Variants in FHIP2A observed in about 807,000 individuals in gnomAD.
The protein encoded by FHIP2A is FHF complex subunit HOOK interacting protein 2A.
In FHIP2A, 46 loss-of-function variants were observed where a neutral mutation model predicts 93.5. The ratio of observed to expected loss-of-function variants is 0.49; its 90% CI spans 0.39 to 0.63. The LOEUF is 0.63. Ranked by LOEUF, FHIP2A falls within the 20% of genes least tolerant of loss-of-function variation. FHIP2A has a pLI of 0.00. For missense variants in FHIP2A, 769 were observed against 909.7 expected (o/e 0.85, Z 1.99); for synonymous variants, 332 against 326.5 (o/e 1.02, Z -0.18).
At chr10:114,875,732 G>A (rs549077256) in intron 16 of FHIP2A, among the ~76,000 whole-genome samples, 1 of 143,798 alleles carries the variant, frequency 7.0e-6, no homozygotes, top group African/African-American at 2.7e-5. Flanking sequence ...GAAAGAAAGA[G>A]AGAGAAAGAA....
intron 13 of FHIP2A, among the ~76,000 whole-genome samples, chr10:114,849,506 A>G (rs1037929786): frequency 6.6e-6 from 1 of 152,168 alleles, no homozygotes; most frequent in South Asian, 2.1e-4. Flanking sequence ...GTTTGCTTCT[A>G]AATTAAGGAG....
chr10:114,881,929 C>T (rs1798276243), intron 16 of FHIP2A, among the ~76,000 whole-genome samples: 2 of 152,138 alleles, frequency 1.3e-5, no homozygotes, highest in South Asian at 2.1e-4. Context: ...TGTGTTTGTG[C>T]GTGCACGTGC....
intron 16 of FHIP2A, among the ~76,000 whole-genome samples, chr10:114,874,664 C>T (rs2083875281): frequency 6.6e-6 from 1 of 151,978 alleles, no homozygotes; most frequent in South Asian, 2.1e-4. Flanking sequence ...CACCATGCCC[C>T]GCTAATTTTT....
chr10:114,831,173 G>A (rs1014608369), intron 2 of FHIP2A, among the ~76,000 whole-genome samples: 5 of 152,194 alleles, frequency 3.3e-5, no homozygotes, highest in African/African-American at 4.8e-5. Context: ...AGACAACACT[G>A]CTGTCCTCAC....
Position 114,843,099 on chromosome 10 carries a change from A to C in FHIP2A, c.689A>C (p.His230Pro), listed in dbSNP as rs1789250639. ...EQTELEDEPP[H>P]QMDHLSTSLD... ...ACAGAATTGGAAGATGAGCCTCCTCATCAGATGGATCACCTGTCCACAAGC... is the reference window on the plus strand; with the variant it reads ...ACAGAATTGGAAGATGAGCCTCCTCCTCAGATGGATCACCTGTCCACAAGC... Residue 230 changes from histidine (H) to proline (P), a missense_variant, in exon 6 of 17, where the codon CAT (histidine) becomes CCT (proline). His to Pro is a moderately conservative substitution (Grantham distance 77). Transcript: ENST00000369248. The C allele has an allele frequency of 6.2e-7, 1 of 1,614,098 alleles. No homozygotes were observed. The highest frequency in any genetic ancestry group is 8.5e-7 in the Non-Finnish European group (1 of 1,180,010).
intron 16 of FHIP2A, among the ~76,000 whole-genome samples, chr10:114,893,793 A>G (rs1030446224): frequency 6.6e-6 from 1 of 152,182 alleles, no homozygotes; most frequent in Non-Finnish European, 1.5e-5. Context: ...AGAATTTCAT[A>G]CATTCATTGA....
chr10:114,842,917 A>G lies in FHIP2A; in HGVS notation c.523-16A>G, dbSNP rs763545311. On this transcript the variant is annotated splice_polypyrimidine_tract_variant and intron_variant, in intron 5 of 16. Transcript: ENST00000369248. ...GTTATTGATGTGAATTTTATAAAAC[A>G]TATATTCCTTTTCAGAATAAGATGA... The G allele has an allele frequency of 1.2e-5, 19 of 1,535,162 alleles. No homozygotes were observed. The highest frequency in any genetic ancestry group is 9.6e-5 in the African/African-American group (7 of 72,972).
intron 11 of FHIP2A, 48 bp from the exon 12 acceptor site, chr10:114,847,042 A>G: frequency 6.7e-7 from 1 of 1,486,104 alleles, no homozygotes; most frequent in Non-Finnish European, 9.2e-7. Context: ...GGTTTAGAAA[A>G]TGTCATAATA....
At position 114,863,483 on chromosome 10, in the gene FHIP2A, C is replaced by T. The variant is rs1303294889; in HGVS notation, c.*1943C>T. 27 of 1,118,920 alleles carry T rather than the reference C, an allele frequency of 2.4e-5. No homozygotes were observed. The highest frequency in any genetic ancestry group is 5.0e-5 in the Admixed American group (1 of 20,062). The allele number at this position is 1,118,920 out of a possible 1,614,324, so 69.3% of individuals were successfully genotyped here. On this transcript the variant is annotated 3_prime_UTR_variant, in exon 17 of 17. Transcript: ENST00000369248. ...CTTATAACTAGTCCATGAAACCAAG[C>T]TCAGAAAAGCTTTAACTCTTATATT...
rs751741872 is a variant in FHIP2A, at chr10:114,891,524, A to AAT, written c.2193-7953_2193-7952dup. On this transcript the variant is annotated intron_variant, in intron 16 of 16. Transcript: ENST00000369250. Reference sequence around the variant, plus strand: ...AGATACCTGAAATGCCACAAGGGTGAATATATATATATATGTGTGTGTGTG... The same window carrying AAT: ...AGATACCTGAAATGCCACAAGGGTGAATATATATATATATATGTGTGTGTGTG... Among the ~76,000 whole-genome samples, 951 of 133,102 alleles carry AAT rather than the reference A, an allele frequency of 7.1e-3. 4 individuals are homozygous for AAT. Among genetic ancestry groups the AAT allele is most frequent in the Non-Finnish European group, 0.01 (651 of 62,840 alleles). 87.3% of individuals were successfully genotyped at this position (133,102 alleles called of 152,430 possible). A position where few individuals can be genotyped will look rare whatever the true frequency, so the allele number is the denominator to read the frequency against.
intron 16 of FHIP2A, among the ~76,000 whole-genome samples, chr10:114,889,371 G>C (rs1487538916): frequency 6.6e-6 from 1 of 152,168 alleles, no homozygotes; most frequent in African/African-American, 2.4e-5. Context: ...ATAACACTGA[G>C]TTCTGACTAG....
chr10:114,824,644 A>G (rs1289667954), intron 1 of FHIP2A, among the ~76,000 whole-genome samples: 1 of 152,190 alleles, frequency 6.6e-6, no homozygotes, highest in Non-Finnish European at 1.5e-5. Context: ...GCAATGATGA[A>G]TAAGCCATCC....
At chr10:114,847,990 T>G (rs1488855526) in intron 12 of FHIP2A, among the ~76,000 whole-genome samples, 2 of 152,216 alleles carry the variant, frequency 1.3e-5, no homozygotes, top group African/African-American at 4.8e-5. Context: ...ATGGTTTAAT[T>G]TTAAGTAATT....
chr10:114,833,548 T>C, intron 3 of FHIP2A, 146 bp downstream of exon 3: 1 of 733,054 alleles, frequency 1.4e-6, no homozygotes, highest in Non-Finnish European at 2.3e-6. Flanking sequence ...AAGAAAATTG[T>C]GTAGCCTATA....
At chr10:114,861,187 G>A (rs1438348265) in intron 15 of FHIP2A, 44 bp from the exon 16 acceptor site, 2 of 1,608,284 alleles carry the variant, frequency 1.2e-6, no homozygotes, top group African/African-American at 2.7e-5. Context: ...GGTTGTCTGT[G>A]TAGCTGATTT....
rs747803538 is a variant in FHIP2A, at chr10:114,830,817, A to G, written c.46-35A>G. 3 of 1,448,628 alleles carry G rather than the reference A, an allele frequency of 2.1e-6. No individual in the cohort carries two copies. The East Asian group carries it at 6.9e-5, about 33-fold the overall frequency. 89.7% of individuals were successfully genotyped at this position (1,448,628 alleles called of 1,614,324 possible). A position where few individuals can be genotyped will look rare whatever the true frequency, so the allele number is the denominator to read the frequency against. On this transcript the variant is annotated intron_variant, in intron 1 of 16. Transcript: ENST00000369248. ...TAAGTTATGGGAAATTTTCAATGCC[A>G]TTTTCTTAATTGTTGTGGTCTTTTG...
At chr10:114,860,035 T>G (rs1326114770) in intron 14 of FHIP2A, among the ~76,000 whole-genome samples, 1 of 152,212 alleles carries the variant, frequency 6.6e-6, no homozygotes, top group Non-Finnish European at 1.5e-5. Flanking sequence ...CTAAAATTAC[T>G]ATATTTAAAA....
intron 14 of FHIP2A, among the ~76,000 whole-genome samples, chr10:114,856,244 T>A (rs2083765925): frequency 6.6e-6 from 1 of 152,210 alleles, no homozygotes; most frequent in South Asian, 2.1e-4. Context: ...ATGTTAGAGT[T>A]TAGTCAGCGT....
chr10:114,827,645 A>C (rs2083584269), intron 1 of FHIP2A, among the ~76,000 whole-genome samples: 3 of 152,052 alleles, frequency 2.0e-5, no homozygotes, highest in African/African-American at 7.2e-5. Context: ...AAAATACAAA[A>C]AATTAGCTGG....
Sources: gnomAD v4.1 joint callset for allele counts (sites outside exome capture counted in the v4.1 genomes callset) on GRCh38, gnomAD v4.1.1 for gene constraint, MANE v1.5 for transcripts, NCBI Gene and HGNC (gene_info 2026-07-23, HGNC 2026-07-21) for gene names.